PPP1R9A: variants seen among roughly 807,000 people sequenced by gnomAD.
PPP1R9A encodes the protein neurabin-1.
PPP1R9A carries 59 observed loss-of-function variants against 141.9 expected under a neutral mutation model. The ratio of observed to expected loss-of-function variants is 0.42; its 90% confidence interval spans 0.34 to 0.52. The LOEUF (loss-of-function observed/expected upper bound fraction) is 0.52. PPP1R9A is among the 20% of genes least tolerant of loss of function. The pLI, the probability that PPP1R9A is intolerant of heterozygous loss-of-function variation, is 0.10. For synonymous variants in PPP1R9A, 500 were observed against 569.7 expected, an observed-to-expected ratio of 0.88 and a Z score of 1.74; for missense variants, 1,444 against 1,611.9, an observed-to-expected ratio of 0.90 and a Z score of 1.78.
At chr7:95,197,777 T>G (rs910458884) in intron 5 of PPP1R9A, among the ~76,000 whole-genome samples, 1 of 151,990 alleles carries the variant, frequency 6.6e-6, no homozygotes, top group African/African-American at 2.4e-5. Context: ...GCCTCCAGAG[T>G]AGCTGGGACT....
chr7:95,194,632 C>T (rs1246488949), intron 5 of PPP1R9A, among the ~76,000 whole-genome samples: 6 of 150,980 alleles, frequency 4.0e-5, no homozygotes, highest in African/African-American at 1.5e-4. Context: ...GAATACAAGG[C>T]CAGTATTCAA....
chr7:95,266,535 A>G (rs559762817), intron 12 of PPP1R9A, among the ~76,000 whole-genome samples: 14 of 152,196 alleles, frequency 9.2e-5, no homozygotes, highest in African/African-American at 3.4e-4. Context: ...GTAGCCTGGA[A>G]ATCAAGACAC....
At chr7:95,258,383 ATTTG>A (rs1799928137) in intron 12 of PPP1R9A, among the ~76,000 whole-genome samples, 1 of 152,014 alleles carries the variant, frequency 6.6e-6, no homozygotes, top group South Asian at 2.1e-4. Context: ...TTTCTTGTAA[ATTTG>A]TTTGAGTTCA....
intron 2 of PPP1R9A, among the ~76,000 whole-genome samples, chr7:95,034,870 A>T (rs369289708): frequency 6.6e-6 from 1 of 152,176 alleles, no homozygotes; most frequent in African/African-American, 2.4e-5. Flanking sequence ...TAACAACCTT[A>T]AGAGTAGAGC....
At chr7:95,075,128 A>G (rs952825056) in intron 2 of PPP1R9A, among the ~76,000 whole-genome samples, 4 of 152,104 alleles carry the variant, frequency 2.6e-5, no homozygotes, top group African/African-American at 9.7e-5. Flanking sequence ...TTCTCTGTTT[A>G]TTATTGACTT....
At chr7:95,136,311 T>C (rs1367619588) in intron 4 of PPP1R9A, among the ~76,000 whole-genome samples, 1 of 152,158 alleles carries the variant, frequency 6.6e-6, no homozygotes, top group Non-Finnish European at 1.5e-5. Flanking sequence ...AATTATGTGG[T>C]TGGGCACAGT....
chr7:95,259,994 C>T (rs1192475255), intron 12 of PPP1R9A, among the ~76,000 whole-genome samples: 3 of 152,012 alleles, frequency 2.0e-5, no homozygotes, highest in Non-Finnish European at 4.4e-5. Context: ...GTTTAATCCC[C>T]AATAAATAAT....
chr7:95,008,959 T>C (rs567006433), intron 2 of PPP1R9A, among the ~76,000 whole-genome samples: 202 of 152,266 alleles, frequency 1.3e-3, no homozygotes, highest in Non-Finnish European at 2.3e-3. Flanking sequence ...CACCATGGAA[T>C]ACTATGCAGC....
chr7:95,200,507 T>C (rs1184584155), intron 6 of PPP1R9A, among the ~76,000 whole-genome samples: 1 of 152,070 alleles, frequency 6.6e-6, no homozygotes, highest in Admixed American at 6.6e-5. Context: ...CTTGAACTCC[T>C]GGCCTCAAGC....
intron 2 of PPP1R9A, among the ~76,000 whole-genome samples, chr7:95,101,807 T>C (rs773503108): frequency 8.5e-5 from 13 of 152,230 alleles, no homozygotes; most frequent in Non-Finnish European, 1.8e-4. Context: ...TCTCTTTTTT[T>C]CCCGTAGTTT....
At chr7:94,984,267 G>A (rs912850311) in intron 2 of PPP1R9A, among the ~76,000 whole-genome samples, 4 of 152,060 alleles carry the variant, frequency 2.6e-5, no homozygotes, top group South Asian at 2.1e-4. Flanking sequence ...ATCAATGTTC[G>A]TCAGGGATAT....
chr7:95,048,486 C>T (rs1287973300), intron 2 of PPP1R9A, among the ~76,000 whole-genome samples: 2 of 151,922 alleles, frequency 1.3e-5, no homozygotes, highest in Admixed American at 1.3e-4. Flanking sequence ...GAGAAATTAA[C>T]GTATATACTG....
chr7:95,090,052 G>A (rs951578692), intron 2 of PPP1R9A, among the ~76,000 whole-genome samples: 1 of 151,866 alleles, frequency 6.6e-6, no homozygotes, highest in Non-Finnish European at 1.5e-5. Flanking sequence ...TAAAATCAAA[G>A]TGTCCCAGTA....
chr7:95,251,971 G>A lies in PPP1R9A; in HGVS notation c.2506G>A (p.Glu836Lys), dbSNP rs1247134087. 3.7e-6 allele frequency: 6 copies of A among 1,606,364 alleles called. No individual in the cohort carries two copies. The Admixed American group carries it at 5.2e-5, about 14-fold the overall frequency. ...TTGTTTTTCCTAGATTAGAGATTTG[G>A]AAGCTGAGGTATTCAGGCTACTGAA... ...QGLQVRIRDL[E>K]AEVFRLLKQN... Residue 836 changes from glutamate (E) to lysine (K), a missense_variant, in exon 12 of 20, where the codon GAA becomes AAA. Physicochemically the swap from Glu to Lys is moderately conservative, Grantham distance 56 (BLOSUM62 1). Around this residue, in one of 5 missense-constraint regions of PPP1R9A, gnomAD observed 488 missense variants for 542.0 expected, o/e 0.90. Coordinates refer to ENST00000433360, the MANE Select transcript of PPP1R9A (RefSeq NM_001166160.2).
At chr7:94,985,474 C>T (rs1304643130) in intron 2 of PPP1R9A, among the ~76,000 whole-genome samples, 2 of 152,056 alleles carry the variant, frequency 1.3e-5, no homozygotes, top group Non-Finnish European at 2.9e-5. Flanking sequence ...CTTTTTAGAT[C>T]TCTCAGGACT....
intron 2 of PPP1R9A, among the ~76,000 whole-genome samples, chr7:94,989,432 A>G (rs1563088157): frequency 6.6e-6 from 1 of 152,098 alleles, no homozygotes; most frequent in Non-Finnish European, 1.5e-5. Context: ...CCTCCATGGG[A>G]CAGAATTTTC....
At chr7:95,059,458 A>G (rs1811931060) in intron 2 of PPP1R9A, among the ~76,000 whole-genome samples, 1 of 152,186 alleles carries the variant, frequency 6.6e-6, no homozygotes, top group Non-Finnish European at 1.5e-5. Flanking sequence ...CAAGAGAATA[A>G]CCAAGTAGTA....
Position 95,233,207 on chromosome 7 carries a change from A to G in PPP1R9A, c.2112+7091A>G, listed in dbSNP as rs140063226. Among the ~76,000 whole-genome samples, 340 of 152,326 alleles carry G rather than the reference A, an allele frequency of 2.2e-3. 2 individuals are homozygous for G. Among genetic ancestry groups the G allele is most frequent in the African/African-American group, 7.6e-3 (316 of 41,570 alleles). ...TGCAGTCATAAAAAAGGATGACTTA[A>G]TGTCCTTTGCAGGGACATGGATGAA... On this transcript the variant is annotated intron_variant, in intron 8 of 19. Transcript: ENST00000433360.
chr7:95,145,592 CAGT>C (rs1363943703), intron 4 of PPP1R9A, among the ~76,000 whole-genome samples: 1 of 152,146 alleles, frequency 6.6e-6, no homozygotes, highest in Non-Finnish European at 1.5e-5. Flanking sequence ...CTTTGAATGT[CAGT>C]GGTTTACATG....
Sources: allele counts gnomAD v4.1 joint callset (sites outside exome capture counted in the v4.1 genomes callset), GRCh38; gene constraint gnomAD v4.1.1; regional missense constraint gnomAD v4.1.1; transcripts MANE v1.5; gene names NCBI Gene and HGNC (gene_info 2026-07-23, HGNC 2026-07-21).